The following LPCAT3 variants were observed in gnomAD, a reference collection of about 807,000 sequenced individuals.
LPCAT3 encodes the protein lysophospholipid acyltransferase 5.
In LPCAT3, 21 loss-of-function variants were observed where a neutral mutation model predicts 63.4. The observed-to-expected ratio is 0.33, with a 90% CI of 0.23 to 0.48. LPCAT3 has a LOEUF of 0.48. Among genes scored for constraint, LPCAT3 ranks in the 20% least tolerant of loss-of-function variants. The pLI is 0.99. For synonymous variants in LPCAT3, 242 were observed against 227.5 expected (o/e 1.06, Z -0.58); for missense variants, 451 against 590.6 (o/e 0.76, Z 2.45).
rs896495917 is a variant in LPCAT3, at chr12:6,987,130, A to G, written c.152-3591T>C. On this transcript the variant is annotated intron_variant, in intron 1 of 12. Coordinates refer to ENST00000261407, the MANE Select transcript of LPCAT3 (RefSeq NM_005768.6). This position sits in a 1 kb window ranked among gnomAD's most constrained non-coding sequence, Gnocchi z 4.1. The stretch of plus-strand genomic sequence containing the variant: ...CTGTCTCAAAAAAAAAAGAAAAAAA[A>G]GTTTTATGAGGATTTTTGACTGTAC... Among the ~76,000 whole-genome samples the G allele has an allele frequency of 3.9e-5, 6 of 152,074 alleles. No homozygotes were observed. The highest frequency in any genetic ancestry group is 8.8e-5 in the Non-Finnish European group (6 of 68,022).
At chr12:7,014,750 C>A (rs1555157455) in intron 1 of LPCAT3, among the ~76,000 whole-genome samples, 1 of 151,938 alleles carries the variant, frequency 6.6e-6, no homozygotes, top group African/African-American at 2.4e-5. Context: ...CAAAAATTAG[C>A]CGGGTATGAT....
chr12:7,004,039 A>G (rs1361866441), intron 1 of LPCAT3, among the ~76,000 whole-genome samples: 1 of 152,102 alleles, frequency 6.6e-6, no homozygotes, highest in Non-Finnish European at 1.5e-5. Flanking sequence ...AATCAGTGCT[A>G]TACAGAAAGT....
At chr12:6,982,620 C>G in intron 3 of LPCAT3, 56 bp downstream of exon 3, 3 of 1,338,534 alleles carry the variant, frequency 2.2e-6, no homozygotes, top group Non-Finnish European at 1.1e-6. Context: ...CTGCCTACCC[C>G]TGTCCCCTGA....
chr12:6,986,820 AG>A, intron 1 of LPCAT3, among the ~76,000 whole-genome samples: 1 of 150,086 alleles, frequency 6.7e-6, no homozygotes, highest in South Asian at 2.1e-4. Flanking sequence ...AAAAAAAAAA[AG>A]TTACACCTGT....
rs1045087076 is a variant in LPCAT3, at chr12:6,987,716, G to T, written c.152-4177C>A. The stretch of plus-strand genomic sequence containing the variant: ...AAACCCTTAACCATTTGGAATGCTC[G>T]AAATTAAAAAACACCACACATATTA... On this transcript the variant is annotated intron_variant, in intron 1 of 12. Coordinates refer to ENST00000261407, the MANE Select transcript of LPCAT3 (RefSeq NM_005768.6). The surrounding 1 kb of genome is among the most constrained non-coding windows in gnomAD (Gnocchi z 4.1). 1 of 399,696 alleles carries T rather than the reference G, an allele frequency of 2.5e-6. No homozygotes were observed. Among genetic ancestry groups the T allele is most frequent in the Non-Finnish European group, 4.4e-6 (1 of 225,986 alleles). 24.8% of individuals were successfully genotyped at this position (399,696 alleles called of 1,614,324 possible). A position where few individuals can be genotyped will look rare whatever the true frequency, so the allele number is the denominator to read the frequency against.
intron 6 of LPCAT3, chr12:6,979,891 A>T (rs781953593): frequency 2.9e-5 from 9 of 312,672 alleles, no homozygotes; most frequent in Non-Finnish European, 4.7e-5. Context: ...CTCCATTGGG[A>T]CTGAAAACCC....
intron 1 of LPCAT3, among the ~76,000 whole-genome samples, chr12:6,996,367 C>T (rs899254230): frequency 1.3e-5 from 2 of 152,204 alleles, no homozygotes; most frequent in Admixed American, 1.3e-4. Flanking sequence ...ACTACCCCTC[C>T]CCACCCTGTA....
In LPCAT3 at chr12:6,987,763, C is replaced by G. The variant is rs1555154967; in HGVS notation, c.152-4224G>C. 2.5e-6 allele frequency: 1 copy of G among 400,616 alleles called. No homozygotes were observed. Among genetic ancestry groups the G allele is most frequent in the Non-Finnish European group, 4.4e-6 (1 of 226,232 alleles). The allele number at this position is 400,616 out of a possible 1,614,324, so 24.8% of individuals were successfully genotyped here. On this transcript the variant is annotated intron_variant, in intron 1 of 12. Transcript: ENST00000261407. The surrounding 1 kb of genome is among the most constrained non-coding windows in gnomAD (Gnocchi z 4.1). ...ATTACTCTGCCTCTTTAAGTTGAAT[C>G]TAATTTAACATTTTCTAGGTGTCTG...
At chr12:6,980,470 T>A (rs1481859201) in intron 6 of LPCAT3, among the ~76,000 whole-genome samples, 1 of 152,104 alleles carries the variant, frequency 6.6e-6, no homozygotes, top group African/African-American at 2.4e-5. Flanking sequence ...ATTCTCCCAC[T>A]TCAGCCTCCT....
Position 6,977,744 on chromosome 12 carries a change from A to G in LPCAT3, c.1042T>C (p.Tyr348His). 6.2e-7 allele frequency: 1 copy of G among 1,613,972 alleles called. No homozygotes were observed. Among genetic ancestry groups the G allele is most frequent in the Non-Finnish European group, 8.5e-7 (1 of 1,179,968 alleles). ...AGGAACTTGAGTCGTTTGAAGATGT[A>G]GCTGGAGAAAAGGGTGGGTGGGGCG... ...NINTNAWVAR[Y>H]IFKRLKFLGN... The change falls in exon 10 of 13, where the codon TAC (tyrosine) becomes CAC (histidine). Residue 348 changes from tyrosine (Y) to histidine (H), a missense_variant and splice_region_variant. By Grantham distance (83) the Tyr-to-His change is moderately conservative (BLOSUM62 2). This residue lies in a region of LPCAT3 where 304 missense variants were observed against 390.8 expected (regional missense o/e 0.78). Coordinates refer to ENST00000261407, the MANE Select transcript of LPCAT3 (RefSeq NM_005768.6). The surrounding 1 kb of genome is among the most constrained non-coding windows in gnomAD (Gnocchi z 4.5).
At chr12:7,012,894 G>A (rs1044835091) in intron 1 of LPCAT3, among the ~76,000 whole-genome samples, 2 of 152,204 alleles carry the variant, frequency 1.3e-5, no homozygotes, top group East Asian at 1.9e-4. Flanking sequence ...TTAAAATTAC[G>A]ACTTTATCCT....
rs150229473 is a variant in LPCAT3, at chr12:6,990,712, C to A, written c.152-7173G>T. Among the ~76,000 whole-genome samples, 64 of 151,062 alleles carry A rather than the reference C, an allele frequency of 4.2e-4. 3 individuals are homozygous for A. The East Asian group carries it at 0.012, about 29-fold the overall frequency. ...CCGAGGTGGGTGGATCACTTGAGGT[C>A]AGGAGTTTGAGACCATCCTGGCCAA... On this transcript the variant is annotated intron_variant, in intron 1 of 12. Transcript: ENST00000261407.
At chr12:6,997,379 ATGTGTG>A (rs201579525) in intron 1 of LPCAT3, 2,321 of 114,100 alleles carry the variant, frequency 0.02, 57 homozygotes, top group African/African-American at 0.061. Flanking sequence ...ACAGCAAATT[ATGTGTG>A]TGTGTGTGTG....
At chr12:7,005,725 T>C (rs1555156823) in intron 1 of LPCAT3, among the ~76,000 whole-genome samples, 1 of 152,242 alleles carries the variant, frequency 6.6e-6, no homozygotes, top group Non-Finnish European at 1.5e-5. Flanking sequence ...TGGCCATGTA[T>C]ATGTCTCTTT....
At chr12:7,002,638 A>T (rs1946696577) in intron 1 of LPCAT3, among the ~76,000 whole-genome samples, 2 of 152,170 alleles carry the variant, frequency 1.3e-5, no homozygotes, top group Non-Finnish European at 2.9e-5. Context: ...TATCCTTATA[A>T]ATTTGAATAA....
intron 6 of LPCAT3, 63 bp downstream of exon 6, chr12:6,980,941 G>T (rs781873384): frequency 3.5e-5 from 52 of 1,470,486 alleles, no homozygotes; most frequent in Non-Finnish European, 4.7e-5. Flanking sequence ...GCAGCTTTCA[G>T]AAGAGTCACT....
chr12:7,016,657 G>T (rs1367231966), intron 1 of LPCAT3, among the ~76,000 whole-genome samples: 1 of 152,210 alleles, frequency 6.6e-6, no homozygotes, highest in Admixed American at 6.5e-5. Context: ...AAAGTGTTAC[G>T]ATTATAAGCA....
rs782438802 is a variant in LPCAT3 at position 6,978,664 on chromosome 12, A to C, written c.812T>G (p.Met271Arg). ...AAACTTGCCCCAGATCAGCATGTAC[A>C]TGCAGCGGAACCAGAAGGGGTGGTT... ...YDNHPFWFRC[M>R]YMLIWGKFVL... The change falls in exon 8 of 13, where the codon ATG becomes AGG. Residue 271 changes from methionine (M) to arginine (R), a missense_variant. Physicochemically the swap from Met to Arg is moderately conservative, Grantham distance 91 (BLOSUM62 -1). This residue lies in a region of LPCAT3 where 304 missense variants were observed against 390.8 expected (regional missense o/e 0.78). Transcript: ENST00000261407. 6.2e-7 allele frequency: 1 copy of C among 1,614,218 alleles called. No individual in the cohort carries two copies. The highest frequency in any genetic ancestry group is 8.5e-7 in the Non-Finnish European group (1 of 1,180,042).
intron 5 of LPCAT3, 82 bp from the exon 6 acceptor site, chr12:6,981,264 G>T: frequency 8.6e-7 from 1 of 1,158,830 alleles, no homozygotes. Context: ...CCACCTGTGT[G>T]CCCCACTGAC....
Sources: allele counts gnomAD v4.1 joint callset (sites outside exome capture counted in the v4.1 genomes callset), GRCh38; gene constraint gnomAD v4.1.1; regional missense constraint gnomAD v4.1.1; non-coding constraint Gnocchi (gnomAD v3.1); transcripts MANE v1.5; gene names NCBI Gene and HGNC (gene_info 2026-07-23, HGNC 2026-07-21).